The following NTRK3 variants were observed in gnomAD, a reference collection of about 807,000 sequenced individuals.
NTRK3 encodes the protein neurotrophic receptor tyrosine kinase 3.
A neutral mutation model predicts 91.7 loss-of-function variants in NTRK3; 24 were observed. The ratio of observed to expected loss-of-function variants is 0.26; its 90% CI spans 0.19 to 0.37. The LOEUF is 0.37. Ranked by LOEUF, NTRK3 falls within the 10% of genes least tolerant of loss-of-function variation. The pLI is 1.00. For synonymous variants in NTRK3, 483 were observed against 404.0 expected, an observed-to-expected ratio of 1.20 and a Z score of -2.34; for missense variants, 880 against 1,068.9, an observed-to-expected ratio of 0.82 and a Z score of 2.46.
At chr15:88,057,025 C>G (rs931612167) in intron 13 of NTRK3, among the ~76,000 whole-genome samples, 4 of 151,198 alleles carry the variant, frequency 2.6e-5, no homozygotes, top group Non-Finnish European at 5.9e-5. Context: ...AAAAATTAGC[C>G]GGGCATGGTG....
intron 10 of NTRK3, among the ~76,000 whole-genome samples, chr15:88,134,824 C>G (rs1162778205): frequency 6.6e-6 from 1 of 152,248 alleles, no homozygotes; most frequent in Non-Finnish European, 1.5e-5. Context: ...TCTACCATTA[C>G]TGTCTCTGCT....
rs1392264438 is a variant in NTRK3 at position 88,105,834 on chromosome 15, C to T, written c.1396+20437G>A. On this transcript the variant is annotated intron_variant, in intron 13 of 18. Transcript: ENST00000394480. Reference sequence around the variant, plus strand: ...GTGCCAAATGCTTTCCATATGTAATCCCAGTCAAATCTCTCAATACCTTCT... The same window carrying T: ...GTGCCAAATGCTTTCCATATGTAATTCCAGTCAAATCTCTCAATACCTTCT... Among the ~76,000 whole-genome samples, 3 of 152,128 alleles carry T rather than the reference C, an allele frequency of 2.0e-5. No homozygotes were observed. The East Asian group carries it at 5.8e-4, about 29-fold the overall frequency.
chr15:88,236,881 T>C (rs2051833448), intron 3 of NTRK3, among the ~76,000 whole-genome samples: 1 of 151,934 alleles, frequency 6.6e-6, no homozygotes, highest in Admixed American at 6.6e-5. Flanking sequence ...AGATGCTGAC[T>C]GGGAAGAATG....
chr15:88,100,821 AGCT>A (rs2050097996), intron 13 of NTRK3, among the ~76,000 whole-genome samples: 1 of 152,230 alleles, frequency 6.6e-6, no homozygotes, highest in African/African-American at 2.4e-5. Context: ...ATATGTAGAA[AGCT>A]GAAACTGGAT....
intron 14 of NTRK3, among the ~76,000 whole-genome samples, chr15:87,955,532 T>C (rs139037370): frequency 6.6e-6 from 1 of 152,328 alleles, no homozygotes; most frequent in Non-Finnish European, 1.5e-5. Context: ...CTGAGTGCCG[T>C]TCACATTGGC....
chr15:88,128,119 A>G (rs1342723884), intron 11 of NTRK3, among the ~76,000 whole-genome samples: 2 of 152,182 alleles, frequency 1.3e-5, no homozygotes. Flanking sequence ...ATGGAGAAAA[A>G]AAAGAAAAAG....
At chr15:88,096,634 G>A (rs1431513321) in intron 13 of NTRK3, among the ~76,000 whole-genome samples, 1 of 152,144 alleles carries the variant, frequency 6.6e-6, no homozygotes, top group Non-Finnish European at 1.5e-5. Flanking sequence ...AGAAGTGTGG[G>A]GTAATTAATA....
At chr15:87,959,916 A>G (rs903332429) in intron 14 of NTRK3, among the ~76,000 whole-genome samples, 2 of 152,210 alleles carry the variant, frequency 1.3e-5, no homozygotes, top group Non-Finnish European at 2.9e-5. Context: ...ATGGCCACCA[A>G]GTTGAATTCT....
chr15:87,870,873 C>A (rs894525237), exon 19 of NTRK3: 2 of 226,944 alleles, frequency 8.8e-6, no homozygotes, highest in Admixed American at 1.1e-4. Context: ...TAGAAGTATC[C>A]CCTGCAAGCT....
Position 88,183,406 on chromosome 15 carries a change from A to G in NTRK3, c.395+12T>C, listed in dbSNP as rs1384332652. ...CATGTGCCCCCAATCCCTGCAGCCC[A>G]GCTCTACTCACATATAACGCAAATG... On this transcript the variant is annotated intron_variant, in intron 5 of 18. Coordinates refer to ENST00000394480, the Ensembl canonical transcript of NTRK3. 5.0e-6 allele frequency: 8 copies of G among 1,613,640 alleles called. No homozygotes were observed. In the African/African-American group the frequency reaches 9.3e-5, roughly 19 times the overall value.
chr15:87,926,043 A>T (rs1410109360), intron 17 of NTRK3, among the ~76,000 whole-genome samples: 1 of 152,240 alleles, frequency 6.6e-6, no homozygotes, highest in East Asian at 1.9e-4. Flanking sequence ...TCACTTTAAC[A>T]ATAGAAAAAT....
chr15:87,974,282 A>T (rs1008434044), intron 14 of NTRK3, among the ~76,000 whole-genome samples: 7 of 152,166 alleles, frequency 4.6e-5, no homozygotes, highest in Non-Finnish European at 1.0e-4. Context: ...TAGAGGTCAG[A>T]TTCTTGACTT....
intron 5 of NTRK3, among the ~76,000 whole-genome samples, chr15:88,156,199 A>G (rs556763467): frequency 6.6e-6 from 1 of 152,332 alleles, no homozygotes; most frequent in East Asian, 1.9e-4. Flanking sequence ...GCACAGTGCA[A>G]CATCACTGAG....
rs916280992 is a variant in NTRK3, at chr15:88,171,482, C to T, written c.395+11936G>A. On this transcript the variant is annotated intron_variant, in intron 5 of 18. Transcript: ENST00000394480. ...CATACAGGGGGCAGAATCCCAAAGA[C>T]GCCTCAAACCCAGGGGCTTCGAGCT... is the stretch of plus-strand genomic sequence containing the variant. 6.6e-5 allele frequency among the ~76,000 whole-genome samples: 10 copies of T among 152,286 alleles called. No homozygotes were observed. The South Asian group carries it at 1.2e-3, about 19-fold the overall frequency.
chr15:88,184,807 G>A (rs2046821644), intron 3 of NTRK3, among the ~76,000 whole-genome samples: 1 of 152,192 alleles, frequency 6.6e-6, no homozygotes, highest in Admixed American at 6.5e-5. Context: ...GCATCACCAG[G>A]GTCTAGACTC....
intron 13 of NTRK3, among the ~76,000 whole-genome samples, chr15:88,060,626 C>T (rs968791873): frequency 9.2e-5 from 14 of 152,064 alleles, no homozygotes; most frequent in South Asian, 2.1e-4. Context: ...AGAGCAGGCA[C>T]TTTGATGGGA....
intron 14 of NTRK3, among the ~76,000 whole-genome samples, chr15:88,007,777 A>G (rs956238129): frequency 3.3e-5 from 5 of 152,208 alleles, no homozygotes; most frequent in Non-Finnish European, 7.3e-5. Context: ...TGTCTTCTGC[A>G]CACAAACCAG....
At chr15:88,066,359 G>T (rs1362628385) in intron 13 of NTRK3, among the ~76,000 whole-genome samples, 1 of 152,192 alleles carries the variant, frequency 6.6e-6, no homozygotes, top group African/African-American at 2.4e-5. Context: ...CCATCTGGAT[G>T]TGAAGGTCAC....
rs199964297 is a variant in NTRK3, at chr15:88,116,437, TTA to T, written c.1396+9832_1396+9833del. 2.6e-3 allele frequency among the ~76,000 whole-genome samples: 248 copies of T among 94,422 alleles called. 1 individual carries two copies. Among genetic ancestry groups the T allele is most frequent in the Non-Finnish European group, 4.0e-3 (152 of 38,474 alleles). The allele number at this position is 94,422 out of a possible 152,430, so 61.9% of individuals were successfully genotyped here. On this transcript the variant is annotated intron_variant, in intron 13 of 18. Transcript: ENST00000394480. Reference sequence around the variant, plus strand: ...CCGTATCTACTAAAAGTACAAAAATTTAAAAAAAAAAAAATGGTGGTTATAGT... The same window carrying T: ...CCGTATCTACTAAAAGTACAAAAATTAAAAAAAAAAAATGGTGGTTATAGT...
Sources: gnomAD v4.1 joint callset for allele counts (sites outside exome capture counted in the v4.1 genomes callset) on GRCh38, gnomAD v4.1.1 for gene constraint, MANE v1.5 for transcripts, NCBI Gene and HGNC (gene_info 2026-07-23, HGNC 2026-07-21) for gene names.